The following PLEKHD1 variants were observed in gnomAD, a reference collection of about 807,000 sequenced individuals.
PLEKHD1 encodes pleckstrin homology domain-containing family D member 1.
A neutral mutation model predicts 69.2 loss-of-function variants in PLEKHD1; 51 were observed. The observed-to-expected ratio is 0.74, with a 90% CI of 0.59 to 0.93. PLEKHD1 has a LOEUF of 0.93. Ranked by LOEUF, PLEKHD1 falls within the 40% of genes least tolerant of loss-of-function variation. PLEKHD1 has a pLI of 0.00. For synonymous variants in PLEKHD1, 236 were observed against 244.7 expected (o/e 0.96, Z 0.33); for missense variants, 584 against 641.0 (o/e 0.91, Z 0.96).
intron 6 of PLEKHD1, chr14:69,503,692 A>AAG (rs1883084865): frequency 8.6e-6 from 1 of 116,376 alleles, no homozygotes; most frequent in Non-Finnish European, 1.7e-5. Context: ...CTCCGTCTCA[A>AAG]AAAAAAAAAA....
chr14:69,496,976 T>C (rs1479532766), intron 1 of PLEKHD1, among the ~76,000 whole-genome samples: 1 of 152,120 alleles, frequency 6.6e-6, no homozygotes, highest in African/African-American at 2.4e-5. Flanking sequence ...GGTTAGGGCT[T>C]GAACATATGA....
rs761773813 is a variant in PLEKHD1 at position 69,528,314 on chromosome 14, G to A, written c.1416G>A (p.Glu472=). 20 of 1,551,716 alleles carry A rather than the reference G, an allele frequency of 1.3e-5. No individual in the cohort carries two copies. The South Asian group carries it at 2.3e-4, about 18-fold the overall frequency. The change falls in exon 13 of 13, where the codon GAG becomes GAA. Residue 472 remains glutamate, a synonymous_variant. Transcript: ENST00000322564. Reference sequence around the variant, plus strand: ...CCAACAACATGGAGGAGCTAAAGGAGGTGGCCAAGCGGCTCAGCAGGGACC... The same window carrying A: ...CCAACAACATGGAGGAGCTAAAGGAAGTGGCCAAGCGGCTCAGCAGGGACC... ...LDANNMEELK[E]VAKRLSRDQR...
chr14:69,516,399 G>A (rs1466322457), intron 6 of PLEKHD1, among the ~76,000 whole-genome samples: 1 of 151,470 alleles, frequency 6.6e-6, no homozygotes, highest in Admixed American at 6.6e-5. Flanking sequence ...TCTTATATAT[G>A]GTATATTTTA....
intron 6 of PLEKHD1, among the ~76,000 whole-genome samples, chr14:69,506,891 CT>C (rs1162412450): frequency 0.1 from 8,087 of 77,886 alleles, 344 homozygotes; most frequent in Non-Finnish European, 0.14. Flanking sequence ...CTGGCAACTG[CT>C]TTTTTTTTTT....
intron 6 of PLEKHD1, among the ~76,000 whole-genome samples, chr14:69,512,001 T>A (rs1275734): frequency 6.6e-6 from 1 of 152,236 alleles, no homozygotes; most frequent in Non-Finnish European, 1.5e-5. Context: ...TGATATAATT[T>A]ATCACTGAGC....
chr14:69,487,095 T>C lies in PLEKHD1; in HGVS notation c.149+1981T>C, dbSNP rs1305212124. Among the ~76,000 whole-genome samples, 3 of 152,100 alleles carry C rather than the reference T, an allele frequency of 2.0e-5. No homozygotes were observed. The East Asian group carries it at 5.8e-4, about 29-fold the overall frequency. On this transcript the variant is annotated intron_variant, in intron 1 of 12. Transcript: ENST00000322564. ...TTTGTAGGAATTTCAGAGCTGCCAC[T>C]GTGCAAAGACTACCTGGGGCTCAAG...
rs1256165869 is a variant in PLEKHD1 at position 69,527,836 on chromosome 14, A to G, written c.1255A>G (p.Ile419Val). 1 of 1,551,508 alleles carries G rather than the reference A, an allele frequency of 6.4e-7. No homozygotes were observed. Among genetic ancestry groups the G allele is most frequent in the South Asian group, 1.2e-5 (1 of 84,060 alleles). ...CGAGCTGGAGGCCAAGATGCCTGTGATCATGAAGAACTCCGTGTACATCCA... is the reference window on the plus strand; with the variant it reads ...CGAGCTGGAGGCCAAGATGCCTGTGGTCATGAAGAACTCCGTGTACATCCA... ...NAELEAKMPVIMKNSVYIHKA... is the reference protein window; with the variant it reads ...NAELEAKMPVVMKNSVYIHKA... Residue 419 changes from isoleucine (I) to valine (V), a missense_variant, in exon 12 of 13, where the codon ATC becomes GTC. Coordinates refer to ENST00000322564, the MANE Select transcript of PLEKHD1 (RefSeq NM_001161498.2).
chr14:69,481,312 C>G (rs1594968772), upstream of PLEKHD1, among the ~76,000 whole-genome samples: 1 of 152,108 alleles, frequency 6.6e-6, no homozygotes. Flanking sequence ...CAGAGTGATA[C>G]CCTGTCTCTA....
chr14:69,527,666 G>A (rs1051386445), intron 11 of PLEKHD1, 117 bp from the exon 12 acceptor site: 9 of 1,338,940 alleles, frequency 6.7e-6, no homozygotes, highest in Admixed American at 5.1e-5. Context: ...CTGGAATCTC[G>A]AGGGACGGGG....
Position 69,522,532 on chromosome 14 carries a change from C to T in PLEKHD1, c.650+155C>T, listed in dbSNP as rs144465012. On this transcript the variant is annotated intron_variant, in intron 7 of 12. Coordinates refer to ENST00000322564, the MANE Select transcript of PLEKHD1 (RefSeq NM_001161498.2). Reference sequence around the variant, plus strand: ...CCCAGTTTGAGTCTGTCCTCCAAGGCTCCAGGTTTGAGTGTTCCCAGAAGA... The same window carrying T: ...CCCAGTTTGAGTCTGTCCTCCAAGGTTCCAGGTTTGAGTGTTCCCAGAAGA... Among the ~76,000 whole-genome samples the T allele has an allele frequency of 2.5e-3, 382 of 152,210 alleles. 1 individual carries two copies. Among genetic ancestry groups the T allele is most frequent in the Non-Finnish European group, 3.7e-3 (249 of 68,016 alleles).
At chr14:69,501,653 C>G in intron 4 of PLEKHD1, 81 bp from the exon 5 acceptor site, 5 of 1,108,008 alleles carry the variant, frequency 4.5e-6, no homozygotes, top group Non-Finnish European at 6.4e-6. Flanking sequence ...TATGCCTTCT[C>G]TTTCCCCTCT....
At chr14:69,484,230 G>A (rs966345811), upstream of PLEKHD1, among the ~76,000 whole-genome samples, 1 of 152,202 alleles carries the variant, frequency 6.6e-6, no homozygotes, top group African/African-American at 2.4e-5. Context: ...CCTGCCCGGG[G>A]CATCAGGCAT....
At chr14:69,526,432 G>A (rs1014153917) in intron 9 of PLEKHD1, among the ~76,000 whole-genome samples, 1 of 152,160 alleles carries the variant, frequency 6.6e-6, no homozygotes, top group South Asian at 2.1e-4. Flanking sequence ...TGGAGCCTCA[G>A]GGGGGTTGTA....
Position 69,526,043 on chromosome 14 carries a change from G to A in PLEKHD1, c.844G>A (p.Gly282Arg). The A allele has an allele frequency of 2.6e-6, 4 of 1,551,618 alleles. No homozygotes were observed. Among genetic ancestry groups the A allele is most frequent in the East Asian group, 2.4e-5 (1 of 40,908 alleles). ...ANQSEQPPPS[G>R]GLHSNLRQIE... is the part of the protein sequence containing the mutation. ...TCAGAGTGAGCAGCCCCCTCCCAGT[G>A]GGGGCCTCCATAGCAACCTCCGGCA... is the stretch of plus-strand genomic sequence containing the variant. Residue 282 changes from glycine to arginine, a missense_variant, in exon 9 of 13, where the codon GGG (glycine) becomes AGG (arginine). By Grantham distance (125) the Gly-to-Arg change is moderately radical. Transcript: ENST00000322564.
At chr14:69,524,443 G>T in intron 8 of PLEKHD1, 121 bp downstream of exon 8, 2 of 838,474 alleles carry the variant, frequency 2.4e-6, no homozygotes, top group Non-Finnish European at 1.9e-6. Flanking sequence ...GGGCATGGAG[G>T]GGTGCTGATC....
At chr14:69,493,629 C>T (rs1759437150) in intron 1 of PLEKHD1, among the ~76,000 whole-genome samples, 1 of 152,254 alleles carries the variant, frequency 6.6e-6, no homozygotes, top group South Asian at 2.1e-4. Context: ...GGCCTTTGCA[C>T]CTGCAGCTCC....
chr14:69,496,277 G>T (rs898315392), intron 1 of PLEKHD1, among the ~76,000 whole-genome samples: 2 of 152,188 alleles, frequency 1.3e-5, no homozygotes, highest in Admixed American at 1.3e-4. Flanking sequence ...TGGGGCTCCA[G>T]AAGTGACAGG....
chr14:69,498,588 T>TTTCTCTTCTCTTCTC (rs71102658), intron 1 of PLEKHD1, among the ~76,000 whole-genome samples: 7,520 of 108,534 alleles, frequency 0.069, 483 homozygotes, highest in East Asian at 0.12. Flanking sequence ...TTCTTTTTGT[T>TTTCTCTTCTCTTCTC]TTCTCTTCTC....
chr14:69,472,120 C>T, the PLEKHD1 span, among the ~76,000 whole-genome samples: 1 of 152,136 alleles, frequency 6.6e-6, no homozygotes, highest in Admixed American at 6.5e-5. Context: ...TCACCACACA[C>T]AGCGATGGTC....
Sources: gnomAD v4.1 joint callset for allele counts (sites outside exome capture counted in the v4.1 genomes callset) on GRCh38, gnomAD v4.1.1 for gene constraint, MANE v1.5 for transcripts, NCBI Gene and HGNC (gene_info 2026-07-23, HGNC 2026-07-21) for gene names.